ATP5PB: variants seen among roughly 807,000 people sequenced by gnomAD.
The protein encoded by ATP5PB is ATP synthase peripheral stalk subunit b, mitochondrial.
Under a neutral mutation model 34.5 loss-of-function variants are expected in ATP5PB, and 21 were observed. That is an observed-to-expected ratio of 0.61 (90% confidence interval 0.43 to 0.88). The LOEUF (loss-of-function observed/expected upper bound fraction) is 0.88, where lower values mean the gene tolerates loss of function less well. ATP5PB is among the 40% of genes least tolerant of loss of function. The probability of loss-of-function intolerance (pLI) is 0.00; values close to 1 mark genes in which losing one functional copy is unlikely to be tolerated. For synonymous variants in ATP5PB, 108 were observed against 114.1 expected, an observed-to-expected ratio of 0.95 and a Z score of 0.34; for missense variants, 293 against 317.4, an observed-to-expected ratio of 0.92 and a Z score of 0.58.
At chr1:111,451,382 T>C (rs1202203982) in intron 2 of ATP5PB, among the ~76,000 whole-genome samples, 3 of 152,148 alleles carry the variant, frequency 2.0e-5, no homozygotes, top group Non-Finnish European at 4.4e-5. Flanking sequence ...AAAAAACTCT[T>C]CCCCATTTTG....
At chr1:111,454,455 T>C in intron 3 of ATP5PB, 99 bp downstream of exon 3, 2 of 1,427,114 alleles carry the variant, frequency 1.4e-6, no homozygotes, top group Non-Finnish European at 1.9e-6. Flanking sequence ...TTGTTGTTGT[T>C]GTTGTTGTTG....
chr1:111,453,906 G>A (rs1412461665), intron 2 of ATP5PB, among the ~76,000 whole-genome samples: 2 of 152,188 alleles, frequency 1.3e-5, no homozygotes, highest in Admixed American at 6.5e-5. Context: ...TGACCGCCAC[G>A]TCCACATTCT....
At chr1:111,453,239 C>T (rs1424146472) in intron 2 of ATP5PB, among the ~76,000 whole-genome samples, 1 of 152,072 alleles carries the variant, frequency 6.6e-6, no homozygotes, top group Non-Finnish European at 1.5e-5. Flanking sequence ...AAAGTGTAGT[C>T]TTAAGCTGCT....
In ATP5PB at chr1:111,449,887, T is replaced by C. The variant is rs1289743360; in HGVS notation, c.77+14T>C. 2 of 1,614,112 alleles carry C rather than the reference T, an allele frequency of 1.2e-6. No homozygotes were observed. Among genetic ancestry groups the C allele is most frequent in the East Asian group, 4.5e-5 (2 of 44,888 alleles). The stretch of plus-strand genomic sequence containing the variant: ...CCTAGGTCCAGGGTAAGTGTGAGGA[T>C]AATGCTCCCTTTCGTCTTTGTTTTC... On this transcript the variant is annotated intron_variant, in intron 2 of 6. Transcript: ENST00000369722.
intron 1 of ATP5PB, 45 bp downstream of exon 1, chr1:111,449,626 A>G: frequency 6.4e-7 from 1 of 1,568,366 alleles, no homozygotes; most frequent in South Asian, 1.2e-5. Context: ...GTGATTGGAA[A>G]GAAGCGAATC....
chr1:111,453,466 C>CAGAT (rs1180715129), intron 2 of ATP5PB, among the ~76,000 whole-genome samples: 4 of 146,208 alleles, frequency 2.7e-5, no homozygotes, highest in Admixed American at 6.8e-5. Flanking sequence ...TGTGAGGGAA[C>CAGAT]AGATGTTTGA....
intron 6 of ATP5PB, 81 bp from the exon 7 acceptor site, chr1:111,460,836 C>T: frequency 7.9e-7 from 1 of 1,262,846 alleles, no homozygotes; most frequent in Non-Finnish European, 1.1e-6. Context: ...TAGGAGGTGT[C>T]TTTTAGAATA....
chr1:111,456,825 TATGAAGA>T, intron 5 of ATP5PB, 70 bp downstream of exon 5: 1 of 1,484,990 alleles, frequency 6.7e-7, no homozygotes. Flanking sequence ...CAGAATTTTT[TATGAAGA>T]ATGGTTAAAT....
At chr1:111,454,608 A>G (rs1439673867) in intron 3 of ATP5PB, among the ~76,000 whole-genome samples, 1 of 151,606 alleles carries the variant, frequency 6.6e-6, no homozygotes, top group African/African-American at 2.4e-5. Flanking sequence ...CACCCGGCTC[A>G]TTTTTCTATT....
chr1:111,454,073 C>A, intron 2 of ATP5PB, 138 bp from the exon 3 acceptor site: 2 of 931,856 alleles, frequency 2.1e-6, no homozygotes, highest in Non-Finnish European at 3.0e-6. Flanking sequence ...CTTCCCATTC[C>A]CAGTCCATTC....
intron 5 of ATP5PB, among the ~76,000 whole-genome samples, chr1:111,458,602 G>A (rs754366068): frequency 1.3e-4 from 20 of 148,658 alleles, no homozygotes; most frequent in Admixed American, 4.0e-4. Context: ...GGAGGCCTGG[G>A]ACTGTGATAT....
intron 3 of ATP5PB, among the ~76,000 whole-genome samples, chr1:111,455,207 G>T (rs569822878): frequency 6.6e-6 from 1 of 151,788 alleles, no homozygotes; most frequent in South Asian, 2.1e-4. Context: ...AACTGAAATT[G>T]CTAGAAACAT....
intron 6 of ATP5PB, among the ~76,000 whole-genome samples, chr1:111,459,941 G>C (rs973068377): frequency 3.9e-5 from 6 of 152,170 alleles, no homozygotes; most frequent in Admixed American, 3.3e-4. Context: ...GAGGCAGGAG[G>C]ATCACTTGAG....
At chr1:111,449,611 T>C in intron 1 of ATP5PB, 30 bp downstream of exon 1, 1 of 1,577,064 alleles carries the variant, frequency 6.3e-7, no homozygotes, top group Non-Finnish European at 8.6e-7. Flanking sequence ...CTCTGGACTA[T>C]CAGAGTGATT....
At position 111,449,532 on chromosome 1, in the gene ATP5PB, T is replaced by C. The variant is rs1207118886; in HGVS notation, c.-10T>C. ...GGACGCTAAGATTGCTACCTGGACT[T>C]TCGTTGACCATGCTGTCCCGGGTGG... is the stretch of plus-strand genomic sequence containing the variant. On this transcript the variant is annotated 5_prime_UTR_variant, in exon 1 of 7. Transcript: ENST00000369722. 3.1e-6 allele frequency: 5 copies of C among 1,613,888 alleles called. No individual in the cohort carries two copies. The highest frequency in any genetic ancestry group is 3.4e-6 in the Non-Finnish European group (4 of 1,179,940).
Position 111,456,670 on chromosome 1 carries a change from T to C in ATP5PB, c.428T>C (p.Ile143Thr). The C allele has an allele frequency of 6.2e-7, 1 of 1,613,742 alleles. No homozygotes were observed. The highest frequency in any genetic ancestry group is 8.5e-7 in the Non-Finnish European group (1 of 1,179,886). Residue 143 changes from isoleucine (I) to threonine (T), a missense_variant, in exon 5 of 7, where the codon ATC becomes ACC. Physicochemically the swap from Ile to Thr is moderately conservative, Grantham distance 89. Transcript: ENST00000369722. ...AQLEEAKQAS[I>T]QHIQNAIDTE... ...CTAGAAGAGGCGAAGCAGGCTTCCA[T>C]CCAACACATCCAGAATGCAATTGAT...
Position 111,461,085 on chromosome 1 carries a change from A to G in ATP5PB, c.*91A>G. 1 of 1,213,942 alleles carries G rather than the reference A, an allele frequency of 8.2e-7. No homozygotes were observed. The highest frequency in any genetic ancestry group is 2.5e-5 in the East Asian group (1 of 39,552). 75.2% of individuals were successfully genotyped at this position (1,213,942 alleles called of 1,614,324 possible). ...ACAAAGTCTTTCTGTGTTGGTGTCT[A>G]CTGAAGTTATAGTTTACCCTTCCTA... On this transcript the variant is annotated 3_prime_UTR_variant, in exon 7 of 7. Transcript: ENST00000369722.
chr1:111,456,088 C>A lies in ATP5PB; in HGVS notation c.226C>A (p.Pro76Thr). The change falls in exon 4 of 7, where the codon CCC becomes ACC. Residue 76 changes from proline (P) to threonine (T), a missense_variant and splice_region_variant. Physicochemically the swap from Pro to Thr is conservative, Grantham distance 38. Coordinates refer to ENST00000369722, the MANE Select transcript of ATP5PB (RefSeq NM_001688.5). ...AAAATAACTCTTTCTTCTTTTAGGA[C>A]CCTATGTACTCGGAACTGGGCTTAT... Reference protein sequence around the residue: ...FLYPKTGVTGPYVLGTGLILY... With the variant: ...FLYPKTGVTGTYVLGTGLILY... The A allele has an allele frequency of 6.3e-7, 1 of 1,576,666 alleles. No homozygotes were observed. Among genetic ancestry groups the A allele is most frequent in the Non-Finnish European group, 8.6e-7 (1 of 1,163,218 alleles).
chr1:111,459,240 A>G lies in ATP5PB; in HGVS notation c.514-217A>G, dbSNP rs985033182. Among the ~76,000 whole-genome samples, 14 of 152,140 alleles carry G rather than the reference A, an allele frequency of 9.2e-5. No individual in the cohort carries two copies. The East Asian group carries it at 1.3e-3, about 15-fold the overall frequency. On this transcript the variant is annotated intron_variant, in intron 5 of 6. Transcript: ENST00000369722. ...AAGAAATACAGGAAGTTAATGGCCT[A>G]TGGGGGAGGCTGAAGGAGACTTATT...
Sources: allele counts gnomAD v4.1 joint callset (sites outside exome capture counted in the v4.1 genomes callset), GRCh38; gene constraint gnomAD v4.1.1; transcripts MANE v1.5; gene names NCBI Gene and HGNC (gene_info 2026-07-23, HGNC 2026-07-21).